The following FGF12 variants were observed in gnomAD, a reference collection of about 807,000 sequenced individuals.
FGF12 encodes the protein fibroblast growth factor 12B.
In FGF12, 14 loss-of-function variants were observed where a neutral mutation model predicts 23.6. That is an observed-to-expected ratio of 0.59 (90% CI 0.39 to 0.93). FGF12 has a LOEUF of 0.93. Among genes scored for constraint, FGF12 ranks in the 40% least tolerant of loss-of-function variants. The pLI is 0.00. For missense variants in FGF12, 175 were observed against 217.8 expected, an observed-to-expected ratio of 0.80 and a Z score of 1.24; for synonymous variants, 62 against 77.3, an observed-to-expected ratio of 0.80 and a Z score of 1.04.
intron 4 of FGF12, among the ~76,000 whole-genome samples, chr3:192,292,585 C>T (rs1355817942): frequency 6.6e-6 from 1 of 152,022 alleles, no homozygotes; most frequent in African/African-American, 2.4e-5. Flanking sequence ...AATATGCATA[C>T]AATTGCTTTA....
chr3:192,398,601 C>T (rs1321230286), intron 2 of FGF12, among the ~76,000 whole-genome samples: 1 of 152,014 alleles, frequency 6.6e-6, no homozygotes, highest in Non-Finnish European at 1.5e-5. Flanking sequence ...AGACTGGTCT[C>T]GAACTCCTAA....
chr3:192,457,007 T>C (rs1406015466), intron 2 of FGF12, among the ~76,000 whole-genome samples: 2 of 152,216 alleles, frequency 1.3e-5, no homozygotes, highest in East Asian at 3.8e-4. Context: ...CCCCATACTG[T>C]TCCCGTGGTA....
intron 2 of FGF12, among the ~76,000 whole-genome samples, chr3:192,493,797 G>A (rs1723870283): frequency 6.6e-6 from 1 of 152,152 alleles, no homozygotes; most frequent in African/African-American, 2.4e-5. Context: ...AAGGGGGATG[G>A]TGTTCAATCA....
rs60991895 is a variant in FGF12, at chr3:192,628,442, TACACACACACACACAC to T, written c.13+98723_13+98738del. Among the ~76,000 whole-genome samples, 59 of 135,008 alleles carry T rather than the reference TACACACACACACACAC, an allele frequency of 4.4e-4. 1 individual carries two copies. In the East Asian group the frequency reaches 7.2e-3, roughly 16 times the overall value. 88.6% of individuals were successfully genotyped at this position (135,008 alleles called of 152,430 possible). ...CAATTTTTCATTCCAACCAAAGGAA[TACACACACACACACAC>T]ACACACACACACACACACACACACA... is the stretch of plus-strand genomic sequence containing the variant. On this transcript the variant is annotated intron_variant, in intron 2 of 5. Coordinates refer to ENST00000445105, the MANE Select transcript of FGF12 (RefSeq NM_004113.6).
intron 5 of FGF12, among the ~76,000 whole-genome samples, chr3:192,159,177 T>G (rs1450154734): frequency 1.3e-5 from 2 of 152,222 alleles, no homozygotes; most frequent in Non-Finnish European, 2.9e-5. Context: ...TGCCTCCAGT[T>G]ATCATTTAAT....
chr3:192,403,276 A>G (rs953108649), intron 2 of FGF12, among the ~76,000 whole-genome samples: 1 of 152,178 alleles, frequency 6.6e-6, no homozygotes, highest in African/African-American at 2.4e-5. Context: ...AGACTGCCTC[A>G]CTTCCTATAA....
chr3:192,395,956 A>T (rs1435569327), intron 2 of FGF12, among the ~76,000 whole-genome samples: 1 of 152,188 alleles, frequency 6.6e-6, no homozygotes, highest in Admixed American at 6.5e-5. Context: ...TGTTCTATGA[A>T]TGTCAAGAAG....
chr3:192,398,125 C>T (rs1465388174), intron 2 of FGF12, among the ~76,000 whole-genome samples: 1 of 151,918 alleles, frequency 6.6e-6, no homozygotes, highest in Non-Finnish European at 1.5e-5. Flanking sequence ...CTTGAAGAGA[C>T]AAAATAAGCC....
intron 2 of FGF12, among the ~76,000 whole-genome samples, chr3:192,697,479 C>T (rs1224776264): frequency 6.6e-6 from 1 of 152,140 alleles, no homozygotes; most frequent in Non-Finnish European, 1.5e-5. Flanking sequence ...AGGTCAACTC[C>T]CATCCCCAGT....
intron 4 of FGF12, among the ~76,000 whole-genome samples, chr3:192,235,886 T>C (rs1180902519): frequency 6.6e-6 from 1 of 152,204 alleles, no homozygotes; most frequent in Non-Finnish European, 1.5e-5. Flanking sequence ...TGGATATTTC[T>C]TTTCTTCTGC....
intron 2 of FGF12, among the ~76,000 whole-genome samples, chr3:192,605,920 G>T (rs1714319894): frequency 6.6e-6 from 1 of 152,174 alleles, no homozygotes; most frequent in Non-Finnish European, 1.5e-5. Flanking sequence ...ACTGTTGGTG[G>T]GAATGTAAAT....
At chr3:192,381,591 A>C (rs1217813263) in intron 2 of FGF12, among the ~76,000 whole-genome samples, 1 of 152,226 alleles carries the variant, frequency 6.6e-6, no homozygotes, top group African/African-American at 2.4e-5. Context: ...ATGGAGGATA[A>C]ACCTCACCAA....
chr3:192,661,451 G>T (rs905476456), intron 2 of FGF12, among the ~76,000 whole-genome samples: 2 of 152,118 alleles, frequency 1.3e-5, no homozygotes, highest in African/African-American at 4.8e-5. Flanking sequence ...GCTTGAACTG[G>T]GTGGCAGAGG....
intron 3 of FGF12, among the ~76,000 whole-genome samples, chr3:192,352,647 G>T (rs1295597820): frequency 2.0e-5 from 3 of 152,296 alleles, no homozygotes; most frequent in African/African-American, 7.2e-5. Flanking sequence ...CCCTGTTGAT[G>T]AAAATAATGA....
chr3:192,691,084 T>C (rs1396020533), intron 2 of FGF12, among the ~76,000 whole-genome samples: 1 of 151,916 alleles, frequency 6.6e-6, no homozygotes, highest in Non-Finnish European at 1.5e-5. Flanking sequence ...AATACAATAA[T>C]AGAAGTGGGT....
intron 2 of FGF12, among the ~76,000 whole-genome samples, chr3:192,620,755 C>A (rs1481026670): frequency 6.6e-6 from 1 of 152,066 alleles, no homozygotes; most frequent in Non-Finnish European, 1.5e-5. Flanking sequence ...AGCTGTGAGC[C>A]CCCCAACATC....
At chr3:192,361,409 AAAAATG>A (rs1205554060) in intron 2 of FGF12, among the ~76,000 whole-genome samples, 2 of 152,178 alleles carry the variant, frequency 1.3e-5, no homozygotes, top group African/African-American at 4.8e-5. Context: ...ATTGTTGAGC[AAAAATG>A]AAGTATTCTA....
At chr3:192,570,724 C>A (rs965621352) in intron 2 of FGF12, among the ~76,000 whole-genome samples, 2 of 152,144 alleles carry the variant, frequency 1.3e-5, no homozygotes, top group African/African-American at 4.8e-5. Flanking sequence ...CACACACACA[C>A]ACATCCATAC....
At chr3:192,535,933 G>A (rs1725212888) in intron 2 of FGF12, among the ~76,000 whole-genome samples, 1 of 151,942 alleles carries the variant, frequency 6.6e-6, no homozygotes, top group South Asian at 2.1e-4. Context: ...TGCAAAGAAG[G>A]GACAAAAGAA....
Sources: allele counts gnomAD v4.1 joint callset (sites outside exome capture counted in the v4.1 genomes callset), GRCh38; gene constraint gnomAD v4.1.1; transcripts MANE v1.5; gene names NCBI Gene and HGNC (gene_info 2026-07-23, HGNC 2026-07-21).